RHEB: variants seen among roughly 807,000 people sequenced by gnomAD.
The protein encoded by RHEB is GTP-binding protein Rheb.
A neutral mutation model predicts 28.8 loss-of-function variants in RHEB; 2 were observed. That is an observed-to-expected ratio of 0.07 (90% CI 0.03 to 0.22). The LOEUF is 0.22. Among genes scored for constraint, RHEB ranks in the 10% least tolerant of loss-of-function variants. RHEB has a pLI of 1.00. For synonymous variants in RHEB, 69 were observed against 77.3 expected, an observed-to-expected ratio of 0.89 and a Z score of 0.56; for missense variants, 76 against 219.9, an observed-to-expected ratio of 0.35 and a Z score of 4.14.
At chr7:151,488,905 T>C (rs1802529263) in intron 2 of RHEB, among the ~76,000 whole-genome samples, 1 of 152,230 alleles carries the variant, frequency 6.6e-6, no homozygotes, top group Non-Finnish European at 1.5e-5. Context: ...TATGTATATA[T>C]AGCTCCATGA....
At chr7:151,473,424 C>A (rs1274505724) in intron 4 of RHEB, among the ~76,000 whole-genome samples, 5 of 152,222 alleles carry the variant, frequency 3.3e-5, no homozygotes, top group Non-Finnish European at 5.9e-5. Context: ...CACACTGTGG[C>A]TCTGAGAGAC....
intron 3 of RHEB, among the ~76,000 whole-genome samples, chr7:151,481,705 G>A (rs1802384118): frequency 6.6e-6 from 1 of 152,188 alleles, no homozygotes; most frequent in South Asian, 2.1e-4. Context: ...TAGTTGCAAT[G>A]ACTACAAATA....
At chr7:151,479,666 G>C (rs868763619) in intron 3 of RHEB, among the ~76,000 whole-genome samples, 2 of 137,764 alleles carry the variant, frequency 1.5e-5, no homozygotes, top group African/African-American at 5.5e-5. Context: ...CTGGGCGATA[G>C]AGCGAGACTC....
At chr7:151,507,170 G>T (rs889439038) in intron 1 of RHEB, among the ~76,000 whole-genome samples, 1 of 152,202 alleles carries the variant, frequency 6.6e-6, no homozygotes, top group Non-Finnish European at 1.5e-5. Context: ...TAAATGGAAT[G>T]AAACCTGAAT....
chr7:151,508,321 A>C (rs1230336054), intron 1 of RHEB, among the ~76,000 whole-genome samples: 2 of 152,200 alleles, frequency 1.3e-5, no homozygotes, highest in Non-Finnish European at 2.9e-5. Context: ...TTATAAAGAT[A>C]ATTTCTTCAA....
At chr7:151,502,494 A>G (rs1250761826) in intron 1 of RHEB, 6 of 906,538 alleles carry the variant, frequency 6.6e-6, no homozygotes, top group East Asian at 2.4e-5. Flanking sequence ...GTAACAGAAG[A>G]AGGAAAGGAA....
At chr7:151,480,294 A>G (rs775326471) in intron 3 of RHEB, among the ~76,000 whole-genome samples, 26 of 152,332 alleles carry the variant, frequency 1.7e-4, no homozygotes, top group Non-Finnish European at 3.1e-4. Flanking sequence ...TATATATCCC[A>G]ACAACTGGAT....
chr7:151,513,826 A>G (rs1803031118), intron 1 of RHEB, among the ~76,000 whole-genome samples: 1 of 152,252 alleles, frequency 6.6e-6, no homozygotes, highest in African/African-American at 2.4e-5. Flanking sequence ...AGCTGTTAAG[A>G]CATTAAAAGA....
intron 7 of RHEB, among the ~76,000 whole-genome samples, chr7:151,467,497 T>C (rs1240201242): frequency 6.8e-6 from 1 of 147,560 alleles, no homozygotes; most frequent in Non-Finnish European, 1.5e-5. Context: ...CACCATCTCC[T>C]GTCCCACTCC....
At chr7:151,483,550 C>T (rs1014912412) in intron 3 of RHEB, among the ~76,000 whole-genome samples, 1 of 152,178 alleles carries the variant, frequency 6.6e-6, no homozygotes, top group East Asian at 1.9e-4. Flanking sequence ...GAAACCCCGC[C>T]TCTACTAAAA....
intron 3 of RHEB, among the ~76,000 whole-genome samples, chr7:151,481,936 T>C (rs756651381): frequency 1.2e-4 from 18 of 152,226 alleles, no homozygotes; most frequent in Non-Finnish European, 2.6e-4. Context: ...GATACCTGAG[T>C]GTACATTTAT....
At chr7:151,498,107 TG>T in intron 1 of RHEB, 2 of 1,289,370 alleles carry the variant, frequency 1.6e-6, no homozygotes, top group Non-Finnish European at 2.0e-6. Context: ...AATGTGCCCA[TG>T]GGGATGCACC....
chr7:151,479,985 T>A (rs1024146023), intron 3 of RHEB, among the ~76,000 whole-genome samples: 2 of 152,218 alleles, frequency 1.3e-5, no homozygotes, highest in African/African-American at 4.8e-5. Flanking sequence ...AGAAGAAAAG[T>A]GCATTATTAA....
chr7:151,509,851 C>T lies in RHEB; in HGVS notation c.52+9609G>A, dbSNP rs995582586. 5.3e-5 allele frequency among the ~76,000 whole-genome samples: 8 copies of T among 152,188 alleles called. 1 individual carries two copies. Among genetic ancestry groups the T allele is most frequent in the Non-Finnish European group, 1.0e-4 (7 of 68,028 alleles). On this transcript the variant is annotated intron_variant, in intron 1 of 7. Transcript: ENST00000262187. ...TTACTAGCACACAGCCACACCCACT[C>T]GTTGATGTATTGTCTGTGGCTGCTT... is the stretch of plus-strand genomic sequence containing the variant.
chr7:151,500,966 G>A (rs1258597430), intron 1 of RHEB, among the ~76,000 whole-genome samples: 1 of 151,766 alleles, frequency 6.6e-6, no homozygotes, highest in Non-Finnish European at 1.5e-5. Context: ...CCTGGGTGAC[G>A]GAACAAGACG....
rs766556466 is a variant in RHEB at position 151,515,109 on chromosome 7, T to C, written c.52+4351A>G. Among the ~76,000 whole-genome samples the C allele has an allele frequency of 4.7e-5, 7 of 150,382 alleles. No homozygotes were observed. The East Asian group carries it at 5.8e-4, about 12-fold the overall frequency. On this transcript the variant is annotated intron_variant, in intron 1 of 7. Transcript: ENST00000262187. ...GAAAAGAAACCACCCACATATCCAA[T>C]TGACAAATGCATAGAAAAAATGTGG...
At chr7:151,492,314 C>T (rs1802596724) in intron 1 of RHEB, among the ~76,000 whole-genome samples, 1 of 152,024 alleles carries the variant, frequency 6.6e-6, no homozygotes, top group African/African-American at 2.4e-5. Flanking sequence ...AAAAAGTTGG[C>T]TTAAAAGTAG....
intron 1 of RHEB, 34 bp downstream of exon 1, chr7:151,519,426 G>C: frequency 7.2e-7 from 1 of 1,382,084 alleles, no homozygotes; most frequent in Non-Finnish European, 9.5e-7. Context: ...GGCCCCGGCG[G>C]CGCGAGGAGG....
chr7:151,518,613 G>C (rs572463857), intron 1 of RHEB, among the ~76,000 whole-genome samples: 11 of 151,928 alleles, frequency 7.2e-5, no homozygotes, highest in Non-Finnish European at 1.3e-4. Context: ...CACCCCGTCC[G>C]CCCCCCAACC....
Sources: gnomAD v4.1 joint callset for allele counts (sites outside exome capture counted in the v4.1 genomes callset) on GRCh38, gnomAD v4.1.1 for gene constraint, MANE v1.5 for transcripts, NCBI Gene and HGNC (gene_info 2026-07-23, HGNC 2026-07-21) for gene names.